COPZ2: variants seen among roughly 807,000 people sequenced by gnomAD.
COPZ2 encodes coatomer subunit zeta-2.
A neutral mutation model predicts 33.2 loss-of-function variants in COPZ2; 30 were observed. The observed-to-expected ratio is 0.90, with a 90% confidence interval of 0.68 to 1.23. The LOEUF (loss-of-function observed/expected upper bound fraction) is 1.23. COPZ2 is among the 50% of genes most tolerant of loss of function. The pLI is 0.00. For missense variants in COPZ2, 263 were observed against 262.4 expected (o/e 1.00, Z -0.02); for synonymous variants, 89 against 102.6 (o/e 0.87, Z 0.80).
chr17:48,026,356 C>T lies in COPZ2; in HGVS notation c.*72G>A. ...GGGATACAGAGGGGTCTCTCCTGAC[C>T]CTGGGATCTTTGGGCTTTTGCCAGG... On this transcript the variant is annotated 3_prime_UTR_variant, in exon 9 of 9. Coordinates refer to ENST00000621465, the MANE Select transcript of COPZ2 (RefSeq NM_016429.4). 7.9e-7 allele frequency: 1 copy of T among 1,271,428 alleles called. No individual in the cohort carries two copies. The highest frequency in any genetic ancestry group is 1.1e-6 in the Non-Finnish European group (1 of 873,282). 78.8% of individuals were successfully genotyped at this position (1,271,428 alleles called of 1,614,324 possible).
chr17:48,043,477 G>A, the COPZ2 span: 4 of 973,018 alleles, frequency 4.1e-6, no homozygotes, highest in Non-Finnish European at 4.9e-6. Flanking sequence ...AAGAGGGGGA[G>A]GTGTGTGTGG....
chr17:48,036,867 C>A lies in COPZ2; in HGVS notation c.170G>T (p.Arg57Leu). The A allele has an allele frequency of 6.2e-7, 1 of 1,613,790 alleles. No individual in the cohort carries two copies. The highest frequency in any genetic ancestry group is 8.5e-7 in the Non-Finnish European group (1 of 1,179,832). ...KAVFILDNDG[R>L]RLLAKYYDDT... Reference sequence around the variant, plus strand: ...AGAGGTTACCTTGGCCAGCAGCCGGCGCCCGTCATTATCTAGGATGAAAAC... The same window carrying A: ...AGAGGTTACCTTGGCCAGCAGCCGGAGCCCGTCATTATCTAGGATGAAAAC... The change falls in exon 2 of 9, where the codon CGC (arginine) becomes CTC (leucine). Residue 57 changes from arginine (R) to leucine (L), a missense_variant. Physicochemically the swap from Arg to Leu is moderately radical, Grantham distance 102 (BLOSUM62 -2). Coordinates refer to ENST00000621465, the MANE Select transcript of COPZ2 (RefSeq NM_016429.4).
intron 2 of COPZ2, among the ~76,000 whole-genome samples, chr17:48,035,320 G>T (rs1184072013): frequency 6.6e-6 from 1 of 152,200 alleles, no homozygotes; most frequent in Non-Finnish European, 1.5e-5. Context: ...TCCGCAGGCA[G>T]ATTAGCCATC....
rs556478061 is a variant in COPZ2 at position 48,037,244 on chromosome 17, G to A, written c.112-319C>T. The A allele has an allele frequency of 5.0e-6, 3 of 597,182 alleles. No individual in the cohort carries two copies. The highest frequency in any genetic ancestry group is 2.3e-5 in the Admixed American group (1 of 44,020). The allele number at this position is 597,182 out of a possible 1,614,324, so 37.0% of individuals were successfully genotyped here. On this transcript the variant is annotated intron_variant, in intron 1 of 8. Transcript: ENST00000621465. This position sits in a 1 kb window ranked among gnomAD's most constrained non-coding sequence, Gnocchi z 5.6. Reference sequence around the variant, plus strand: ...GTATCACAGAACCTGGGCCGGGGGGGACAGCGGGCCGAGCCTCCTTCTTCC... The same window carrying A: ...GTATCACAGAACCTGGGCCGGGGGGAACAGCGGGCCGAGCCTCCTTCTTCC...
At chr17:48,031,408 C>T (rs948457837) in intron 6 of COPZ2, among the ~76,000 whole-genome samples, 10 of 150,806 alleles carry the variant, frequency 6.6e-5, no homozygotes, top group African/African-American at 2.4e-5. Context: ...GCCGAGATCA[C>T]GCCACTTACT....
In COPZ2 at chr17:48,028,267, ACCCAG is replaced by A. The variant is rs2036843455; in HGVS notation, c.585+200_585+204del. On this transcript the variant is annotated intron_variant, in intron 8 of 8. Coordinates refer to ENST00000621465, the MANE Select transcript of COPZ2 (RefSeq NM_016429.4). The surrounding 1 kb of genome is among the most constrained non-coding windows in gnomAD (Gnocchi z 4.5). ...GTAACATGCCCATCCATCCATTAGT[ACCCAG>A]CTCCCCTGAGTTGGAGAGCCCGGAG... is the stretch of plus-strand genomic sequence containing the variant. 6.6e-6 allele frequency among the ~76,000 whole-genome samples: 1 copy of A among 152,196 alleles called. No homozygotes were observed. The highest frequency in any genetic ancestry group is 2.4e-5 in the African/African-American group (1 of 41,534).
At chr17:48,027,150 T>C (rs1385637155) in intron 8 of COPZ2, among the ~76,000 whole-genome samples, 1 of 152,196 alleles carries the variant, frequency 6.6e-6, no homozygotes, top group Non-Finnish European at 1.5e-5. Context: ...GTCTCCCTCC[T>C]CTCTTGGGGA....
intron 6 of COPZ2, among the ~76,000 whole-genome samples, chr17:48,029,739 C>T (rs1453568621): frequency 1.3e-5 from 2 of 150,024 alleles, no homozygotes; most frequent in South Asian, 2.1e-4. Context: ...GAGGCCGAGG[C>T]GGGTGGATCA....
At chr17:48,034,702 G>A (rs997020828) in intron 2 of COPZ2, among the ~76,000 whole-genome samples, 1 of 152,092 alleles carries the variant, frequency 6.6e-6, no homozygotes, top group Non-Finnish European at 1.5e-5. Context: ...TCAGGTAATG[G>A]CCTGGCATGG....
intron 3 of COPZ2, 31 bp downstream of exon 3, chr17:48,033,832 T>G (rs769661806): frequency 6.6e-7 from 1 of 1,516,918 alleles, no homozygotes; most frequent in Non-Finnish European, 9.1e-7. Context: ...GTGCATCTGA[T>G]AGTCTGCTGG....
At chr17:48,034,662 C>A (rs937837657) in intron 2 of COPZ2, among the ~76,000 whole-genome samples, 1 of 152,222 alleles carries the variant, frequency 6.6e-6, no homozygotes, top group Admixed American at 6.5e-5. Flanking sequence ...ATCCCCATTA[C>A]ACGGATGGGG....
chr17:48,032,852 G>A (rs1303263852), intron 4 of COPZ2, 111 bp from the exon 5 acceptor site: 1 of 850,196 alleles, frequency 1.2e-6, no homozygotes, highest in Non-Finnish European at 1.9e-6. Flanking sequence ...TCAGAGGCCT[G>A]GGCTGGAGAC....
Position 48,037,649 on chromosome 17 carries a change from C to T in COPZ2, c.111+18G>A. 13 of 1,085,620 alleles carry T rather than the reference C, an allele frequency of 1.2e-5. No homozygotes were observed. The highest frequency in any genetic ancestry group is 1.5e-5 in the Non-Finnish European group (13 of 894,884). The allele number at this position is 1,085,620 out of a possible 1,614,324, so 67.2% of individuals were successfully genotyped here. On this transcript the variant is annotated intron_variant, in intron 1 of 8. Coordinates refer to ENST00000621465, the MANE Select transcript of COPZ2 (RefSeq NM_016429.4). This position sits in a 1 kb window ranked among gnomAD's most constrained non-coding sequence, Gnocchi z 5.6. The stretch of plus-strand genomic sequence containing the variant: ...CAGCTCCCGCCGCCCGGGATCCCCG[C>T]GCCCGCCCGCTCCGTACCCGCAGCC...
At chr17:48,044,403 C>CTTTT in the COPZ2 span, among the ~76,000 whole-genome samples, 668 of 101,750 alleles carry the variant, frequency 6.6e-3, 19 homozygotes, top group South Asian at 0.012. Flanking sequence ...CAATCTTTTG[C>CTTTT]TTTTTTTTTT....
At chr17:48,035,878 C>T (rs370994594) in intron 2 of COPZ2, among the ~76,000 whole-genome samples, 44 of 151,628 alleles carry the variant, frequency 2.9e-4, no homozygotes, top group East Asian at 1.9e-3. Flanking sequence ...CTCAGCCTCT[C>T]GAGTAGCTGG....
upstream of COPZ2, among the ~76,000 whole-genome samples, chr17:48,043,025 T>C (rs2037076298): frequency 2.0e-5 from 3 of 152,260 alleles, no homozygotes; most frequent in South Asian, 2.1e-4. Flanking sequence ...AAGAGGACTT[T>C]CCAGTTTAAG....
the COPZ2 span, among the ~76,000 whole-genome samples, chr17:48,043,139 T>C: frequency 6.6e-6 from 1 of 152,204 alleles, no homozygotes; most frequent in Admixed American, 6.5e-5. Context: ...GCAGCCTTCA[T>C]GTTTCTCTGC....
intron 2 of COPZ2, among the ~76,000 whole-genome samples, chr17:48,034,258 G>A (rs986607006): frequency 2.0e-5 from 3 of 152,124 alleles, no homozygotes; most frequent in Non-Finnish European, 2.9e-5. Context: ...ACAGGCATGC[G>A]CCACCACGCC....
intron 4 of COPZ2, 70 bp downstream of exon 4, chr17:48,033,141 G>A: frequency 9.1e-7 from 1 of 1,104,708 alleles, no homozygotes; most frequent in Non-Finnish European, 1.4e-6. Flanking sequence ...CCAGCCTCAA[G>A]CCCAGATTCC....
Sources: gnomAD v4.1 joint callset for allele counts (sites outside exome capture counted in the v4.1 genomes callset) on GRCh38, gnomAD v4.1.1 for gene constraint, Gnocchi (gnomAD v3.1) non-coding constraint, MANE v1.5 for transcripts, NCBI Gene and HGNC (gene_info 2026-07-23, HGNC 2026-07-21) for gene names.